The following TEAD4 variants were observed in gnomAD, a reference collection of about 807,000 sequenced individuals.
TEAD4 encodes TEA domain transcription factor 4, also known as transcriptional enhancer factor TEF-3.
Under a neutral mutation model 52.4 loss-of-function variants are expected in TEAD4, and 36 were observed. That is an observed-to-expected ratio of 0.69 (90% CI 0.53 to 0.91). The LOEUF (loss-of-function observed/expected upper bound fraction) is 0.91. TEAD4 is among the 40% of genes least tolerant of loss of function. The probability of loss-of-function intolerance (pLI) is 0.00; values close to 1 mark genes in which losing one functional copy is unlikely to be tolerated. For missense variants in TEAD4, 508 were observed against 583.9 expected (o/e 0.87, Z 1.34); for synonymous variants, 220 against 231.0 (o/e 0.95, Z 0.43).
In TEAD4 at chr12:2,972,594, G is replaced by C. The variant is rs1017472122; in HGVS notation, c.-30+12554G>C. Among the ~76,000 whole-genome samples, 9 of 147,666 alleles carry C rather than the reference G, an allele frequency of 6.1e-5. No homozygotes were observed. The Admixed American group carries it at 6.3e-4, about 10-fold the overall frequency. ...GGCTCACTGCAACCTCCGCCTCCTG[G>C]GTTCAAGTAATTCTCCTGCCTCAGC... On this transcript the variant is annotated intron_variant, in intron 2 of 12. Coordinates refer to ENST00000359864, the MANE Select transcript of TEAD4 (RefSeq NM_003213.4).
chr12:3,014,504 T>G (rs1295647842), intron 5 of TEAD4, among the ~76,000 whole-genome samples: 3 of 152,202 alleles, frequency 2.0e-5, no homozygotes, highest in Non-Finnish European at 4.4e-5. Flanking sequence ...TCTCAAAGGA[T>G]CTAGAACCCA....
At chr12:2,963,945 A>G (rs1241192195) in intron 2 of TEAD4, among the ~76,000 whole-genome samples, 5 of 152,170 alleles carry the variant, frequency 3.3e-5, no homozygotes, top group Non-Finnish European at 5.9e-5. Flanking sequence ...CATGGGAACA[A>G]TAGACTTCAG....
intron 2 of TEAD4, among the ~76,000 whole-genome samples, chr12:2,962,294 A>ATATAT (rs2098216103): frequency 8.2e-6 from 1 of 122,260 alleles, no homozygotes; most frequent in African/African-American, 3.3e-5. Context: ...ATTTATTTAT[A>ATATAT]TATATAAATA....
intron 2 of TEAD4, among the ~76,000 whole-genome samples, chr12:2,985,715 A>G (rs2098237842): frequency 6.6e-6 from 1 of 151,914 alleles, no homozygotes; most frequent in Non-Finnish European, 1.5e-5. Flanking sequence ...CATATTGGCC[A>G]GGGTGGCCTC....
chr12:2,964,605 C>CACCACCTGGGATTACAGG (rs1478056745), intron 2 of TEAD4, among the ~76,000 whole-genome samples: 1 of 151,170 alleles, frequency 6.6e-6, no homozygotes, highest in African/African-American at 2.4e-5. Context: ...TTACAGGTGC[C>CACCACCTGGGATTACAGG]TGCCACCACA....
chr12:2,986,655 AT>A (rs202243540), intron 2 of TEAD4, among the ~76,000 whole-genome samples: 8,681 of 148,196 alleles, frequency 0.059, 307 homozygotes, highest in Non-Finnish European at 0.081. Context: ...ATAAAAAAAA[AT>A]AAATAAATAA....
At chr12:3,015,881 T>C in intron 5 of TEAD4, among the ~76,000 whole-genome samples, 1 of 151,990 alleles carries the variant, frequency 6.6e-6, no homozygotes, top group Non-Finnish European at 1.5e-5. Context: ...ATCTTTGTCA[T>C]TAAAAAAAAA....
chr12:2,995,135 C>A, intron 3 of TEAD4, 143 bp downstream of exon 3: 1 of 1,119,820 alleles, frequency 8.9e-7, no homozygotes, highest in South Asian at 1.6e-5. Context: ...CCCTCCTGGG[C>A]TCCCAAGGGA....
chr12:3,002,961 C>A (rs1373811204), intron 3 of TEAD4, among the ~76,000 whole-genome samples: 1 of 152,234 alleles, frequency 6.6e-6, no homozygotes, highest in African/African-American at 2.4e-5. Context: ...GAAGTTCCTT[C>A]TCCACAAATA....
intron 2 of TEAD4, among the ~76,000 whole-genome samples, chr12:2,975,029 T>C (rs2098228361): frequency 6.6e-6 from 1 of 152,168 alleles, no homozygotes; most frequent in African/African-American, 2.4e-5. Context: ...AAGTACTGTA[T>C]TTTCATAATT....
chr12:2,977,472 A>G (rs2098230723), intron 2 of TEAD4, among the ~76,000 whole-genome samples: 1 of 152,066 alleles, frequency 6.6e-6, no homozygotes, highest in African/African-American at 2.4e-5. Flanking sequence ...CCCGTTCCCC[A>G]TCCTGTCCTG....
At chr12:3,004,256 C>T (rs151309681) in intron 3 of TEAD4, among the ~76,000 whole-genome samples, 23 of 152,286 alleles carry the variant, frequency 1.5e-4, no homozygotes, top group African/African-American at 3.1e-4. Context: ...TCAGCCCTGT[C>T]GGGGGAGCAT....
intron 2 of TEAD4, among the ~76,000 whole-genome samples, chr12:2,992,381 T>C (rs968252375): frequency 8.5e-5 from 13 of 152,128 alleles, no homozygotes; most frequent in Non-Finnish European, 1.6e-4. Context: ...TGCCAGCTGC[T>C]TTGCCAAGCT....
At chr12:3,000,747 A>G (rs1454702988) in intron 3 of TEAD4, among the ~76,000 whole-genome samples, 2 of 152,120 alleles carry the variant, frequency 1.3e-5, no homozygotes, top group Non-Finnish European at 2.9e-5. Flanking sequence ...CTGGTGGAGG[A>G]TCTGGGCAAA....
intron 2 of TEAD4, among the ~76,000 whole-genome samples, chr12:2,975,892 T>C (rs970188884): frequency 1.1e-4 from 16 of 152,210 alleles, no homozygotes; most frequent in African/African-American, 3.9e-4. Context: ...GTCCCTGTAG[T>C]TTTGCCTTTT....
rs1253693371 is a variant in TEAD4 at position 3,040,131 on chromosome 12, G to A, written c.1063G>A (p.Gly355Arg). 1.2e-6 allele frequency: 2 copies of A among 1,614,172 alleles called. No individual in the cohort carries two copies. Among genetic ancestry groups the A allele is most frequent in the Admixed American group, 1.7e-5 (1 of 60,024 alleles). Reference sequence around the variant, plus strand: ...GACAGAGTATGCTCGCTATGAGAATGGACACTACTCTTACCGCATCCACCG... The same window carrying A: ...GACAGAGTATGCTCGCTATGAGAATAGACACTACTCTTACCGCATCCACCG... The change falls in exon 12 of 13, where the codon GGA becomes AGA. Residue 355 changes from glycine (G) to arginine (R), a missense_variant. Gly to Arg is a moderately radical substitution (Grantham distance 125). Transcript: ENST00000359864.
At chr12:2,968,645 TTTTTG>T (rs1209433789) in intron 2 of TEAD4, among the ~76,000 whole-genome samples, 1 of 151,686 alleles carries the variant, frequency 6.6e-6, no homozygotes, top group African/African-American at 2.4e-5. Context: ...GCTGGTGTTT[TTTTTG>T]TTTTGTTTTG....
chr12:3,028,671 C>T (rs549136026), intron 10 of TEAD4, among the ~76,000 whole-genome samples: 2 of 152,126 alleles, frequency 1.3e-5, no homozygotes, highest in East Asian at 3.9e-4. Flanking sequence ...TTCTCTGTCA[C>T]CTAGGCTGGA....
chr12:2,979,041 G>A (rs886104052), intron 2 of TEAD4, among the ~76,000 whole-genome samples: 2 of 151,938 alleles, frequency 1.3e-5, no homozygotes, highest in Admixed American at 6.6e-5. Flanking sequence ...TCAACCTCCC[G>A]AGTAGCTGGG....
Sources: gnomAD v4.1 joint callset for allele counts (sites outside exome capture counted in the v4.1 genomes callset) on GRCh38, gnomAD v4.1.1 for gene constraint, MANE v1.5 for transcripts, NCBI Gene and HGNC (gene_info 2026-07-23, HGNC 2026-07-21) for gene names.